Variants in FYCO1 observed in about 807,000 individuals in gnomAD.
FYCO1 encodes the protein FYVE and coiled-coil domain autophagy adaptor 1, also known as FYVE and coiled-coil domain-containing protein 1.
Under a neutral mutation model 165.1 loss-of-function variants are expected in FYCO1, and 122 were observed. The observed-to-expected ratio is 0.74, with a 90% CI of 0.64 to 0.86. The LOEUF is 0.86. Ranked by LOEUF, FYCO1 falls within the 40% of genes least tolerant of loss-of-function variation. The pLI is 0.00. For synonymous variants in FYCO1, 648 were observed against 742.5 expected, an observed-to-expected ratio of 0.87 and a Z score of 2.07; for missense variants, 1,702 against 1,810.3, an observed-to-expected ratio of 0.94 and a Z score of 1.09.
intron 15 of FYCO1, among the ~76,000 whole-genome samples, chr3:45,935,912 C>T (rs1469302583): frequency 2.0e-5 from 3 of 152,062 alleles, no homozygotes; most frequent in African/African-American, 7.2e-5. Context: ...ATTATGCAGC[C>T]ACTGGACACA....
rs1040327339 is a variant in FYCO1 at position 45,920,488 on chromosome 3, A to C, written c.*1277T>G. On this transcript the variant is annotated 3_prime_UTR_variant, in exon 18 of 18. Transcript: ENST00000296137. ...GGCCTGACTGCAGGCAGCTGGTTCC[A>C]TGAACAAGGGACGAAGAGCTGTCCA... is the stretch of plus-strand genomic sequence containing the variant. 6.6e-6 allele frequency: 1 copy of C among 152,320 alleles called. No individual in the cohort carries two copies. Among genetic ancestry groups the C allele is most frequent in the African/African-American group, 2.4e-5 (1 of 41,460 alleles). 9.4% of individuals were successfully genotyped at this position (152,320 alleles called of 1,614,324 possible). A position where few individuals can be genotyped will look rare whatever the true frequency, so the allele number is the denominator to read the frequency against.
chr3:45,950,114 A>G (rs974652091), intron 14 of FYCO1, among the ~76,000 whole-genome samples: 3 of 151,840 alleles, frequency 2.0e-5, no homozygotes, highest in African/African-American at 4.8e-5. Context: ...ATCTCAGCCC[A>G]CCCTTCTCCC....
At chr3:45,991,550 C>T (rs1425125713) in intron 1 of FYCO1, among the ~76,000 whole-genome samples, 1 of 152,200 alleles carries the variant, frequency 6.6e-6, no homozygotes, top group Non-Finnish European at 1.5e-5. Flanking sequence ...TGCTCTGCTC[C>T]CTCTGCCAAG....
At chr3:45,960,861 C>A (rs1705664788) in intron 11 of FYCO1, among the ~76,000 whole-genome samples, 1 of 152,040 alleles carries the variant, frequency 6.6e-6, no homozygotes, top group African/African-American at 2.4e-5. Context: ...GTTCTCAGCT[C>A]TGGCTCACTG....
chr3:45,986,270 C>T (rs1707310997), intron 1 of FYCO1, among the ~76,000 whole-genome samples: 2 of 152,134 alleles, frequency 1.3e-5, no homozygotes, highest in South Asian at 2.1e-4. Context: ...CCACTTCCAC[C>T]GGCTCGAGGT....
chr3:45,924,803 GA>G (rs1703242420), intron 16 of FYCO1, among the ~76,000 whole-genome samples: 1 of 152,050 alleles, frequency 6.6e-6, no homozygotes, highest in South Asian at 2.1e-4. Context: ...AGCAGAGACG[GA>G]GTTTCACCAT....
At chr3:45,994,815 G>A (rs1338773255) in intron 1 of FYCO1, among the ~76,000 whole-genome samples, 1 of 152,128 alleles carries the variant, frequency 6.6e-6, no homozygotes, top group Non-Finnish European at 1.5e-5. Context: ...TTTCTCTGTC[G>A]GGAAAGGAAA....
intron 14 of FYCO1, 81 bp downstream of exon 14, chr3:45,955,168 A>C (rs939139861): frequency 6.6e-7 from 1 of 1,511,838 alleles, no homozygotes; most frequent in African/African-American, 1.4e-5. Context: ...CCAGTGTCTC[A>C]CTTTCCTCAT....
At chr3:45,940,350 TC>T (rs1373332539) in intron 14 of FYCO1, among the ~76,000 whole-genome samples, 1 of 152,136 alleles carries the variant, frequency 6.6e-6, no homozygotes, top group East Asian at 1.9e-4. Context: ...CCTGACAAGA[TC>T]TCAGGAGTTG....
chr3:45,950,550 A>C (rs1704947728), intron 14 of FYCO1, among the ~76,000 whole-genome samples: 1 of 152,138 alleles, frequency 6.6e-6, no homozygotes, highest in Non-Finnish European at 1.5e-5. Context: ...TGGTCAGGGC[A>C]GTCACTCTGG....
rs1706050971 is a variant in FYCO1, at chr3:45,966,782, C to CTACAGAATGTA, written c.2551_2552insTACATTCTGTA (p.Arg851LeufsTer69). On this transcript the variant is annotated frameshift_variant, in exon 8 of 18. Coordinates refer to ENST00000296137, the MANE Select transcript of FYCO1 (RefSeq NM_024513.4). LOFTEE classifies it high-confidence loss of function. Reference sequence around the variant, plus strand: ...CCTCTCCTCCTGCAGTGCCCCTTCACGCTCCGAGCATTGCAGCAGCTCCTG... The same window carrying CTACAGAATGTA: ...CCTCTCCTCCTGCAGTGCCCCTTCACTACAGAATGTAGCTCCGAGCATTGCAGCAGCTCCTG... 1 of 1,609,726 alleles carries CTACAGAATGTA rather than the reference C, an allele frequency of 6.2e-7. No homozygotes were observed.
At chr3:45,957,486 G>C (rs1296124839) in intron 13 of FYCO1, among the ~76,000 whole-genome samples, 1 of 152,118 alleles carries the variant, frequency 6.6e-6, no homozygotes, top group African/African-American at 2.4e-5. Context: ...CTATAGATTG[G>C]GAAAAAATAC....
intron 4 of FYCO1, among the ~76,000 whole-genome samples, chr3:45,975,748 G>A (rs958872345): frequency 6.6e-6 from 1 of 152,202 alleles, no homozygotes; most frequent in Admixed American, 6.5e-5. Flanking sequence ...AGGTAGGTAA[G>A]TGAAGCACTT....
intron 4 of FYCO1, among the ~76,000 whole-genome samples, chr3:45,979,193 G>A (rs921745830): frequency 6.6e-6 from 1 of 152,176 alleles, no homozygotes; most frequent in African/African-American, 2.4e-5. Context: ...CAAAGCCATG[G>A]CATTTTGCTC....
intron 16 of FYCO1, 111 bp downstream of exon 16, chr3:45,930,960 T>G (rs1452832977): frequency 1.0e-6 from 1 of 992,064 alleles, no homozygotes; most frequent in Non-Finnish European, 1.6e-6. Context: ...ACATTCCAAG[T>G]GAGGCCTGCC....
chr3:45,946,202 T>C, intron 14 of FYCO1: 1 of 394,768 alleles, frequency 2.5e-6, no homozygotes, highest in Non-Finnish European at 4.6e-6. Flanking sequence ...GGAATGTGCT[T>C]AGGGGTCAGT....
At position 45,979,803 on chromosome 3, in the gene FYCO1, G is replaced by A. The variant is rs773380717; in HGVS notation, c.190C>T (p.Leu64=). ...QFDQKEKATL[L]GNKKDYWDYF... ...TCCCAGTAGTCCTTCTTGTTGCCCA[G>A]GAGGGTGGCCTTCTCTTTCTGATCA... is the stretch of plus-strand genomic sequence containing the variant. Residue 64 remains leucine, a synonymous_variant, in exon 4 of 18, where the codon CTG becomes TTG. Transcript: ENST00000296137. The A allele has an allele frequency of 6.2e-7, 1 of 1,614,076 alleles. No homozygotes were observed. Among genetic ancestry groups the A allele is most frequent in the South Asian group, 1.1e-5 (1 of 91,084 alleles).
chr3:45,924,926 A>AT (rs766143446), intron 16 of FYCO1, among the ~76,000 whole-genome samples: 33 of 88,166 alleles, frequency 3.7e-4, no homozygotes, highest in South Asian at 2.1e-3. Flanking sequence ...GCCAACCAAC[A>AT]TTTAAAAAAA....
intron 8 of FYCO1, among the ~76,000 whole-genome samples, chr3:45,965,349 A>G (rs1287877521): frequency 6.6e-6 from 1 of 152,232 alleles, no homozygotes; most frequent in African/African-American, 2.4e-5. Context: ...TCCGCAAGGG[A>G]AAAAGTTGGC....
Sources: gnomAD v4.1 joint callset for allele counts (sites outside exome capture counted in the v4.1 genomes callset) on GRCh38, gnomAD v4.1.1 for gene constraint, MANE v1.5 for transcripts, NCBI Gene and HGNC (gene_info 2026-07-23, HGNC 2026-07-21) for gene names.